The following CRTC1 variants were observed in gnomAD, a reference collection of about 807,000 sequenced individuals.
CRTC1 encodes the protein CREB-regulated transcription coactivator 1.
CRTC1 carries 18 observed loss-of-function variants against 66.1 expected under a neutral mutation model. The ratio of observed to expected loss-of-function variants is 0.27; its 90% CI spans 0.19 to 0.40. The LOEUF (loss-of-function observed/expected upper bound fraction) is 0.40, where lower values mean the gene tolerates loss of function less well. Ranked by LOEUF, CRTC1 falls within the 10% of genes least tolerant of loss-of-function variation. The pLI is 1.00. For missense variants in CRTC1, 669 were observed against 887.9 expected (o/e 0.75, Z 3.13); for synonymous variants, 416 against 398.8 (o/e 1.04, Z -0.51).
chr19:18,782,126 GC>G lies in CRTC1; in HGVS notation c.*4747del, dbSNP rs1255818550. 4.5e-6 allele frequency: 1 copy of G among 224,558 alleles called. No individual in the cohort carries two copies. Among genetic ancestry groups the G allele is most frequent in the Admixed American group, 5.7e-5 (1 of 17,500 alleles). 13.9% of individuals were successfully genotyped at this position (224,558 alleles called of 1,614,324 possible). Reference sequence around the variant, plus strand: ...CCTGTTCCTGCCTGTGCTCCTCTGTGCCCAGGCTGGCTCTCCCCCAACCCTA... The same window carrying G: ...CCTGTTCCTGCCTGTGCTCCTCTGTGCCAGGCTGGCTCTCCCCCAACCCTA... On this transcript the variant is annotated 3_prime_UTR_variant, in exon 14 of 14. Transcript: ENST00000321949.
intron 1 of CRTC1, among the ~76,000 whole-genome samples, chr19:18,721,515 A>C (rs547896278): frequency 1.2e-4 from 14 of 118,166 alleles, no homozygotes; most frequent in African/African-American, 4.7e-4. Context: ...TTTTTTTTTA[A>C]ACAAGGTCTT....
At chr19:18,752,854 T>G (rs530071098) in intron 5 of CRTC1, among the ~76,000 whole-genome samples, 218 of 151,598 alleles carry the variant, frequency 1.4e-3, no homozygotes, top group Non-Finnish European at 2.6e-3. Context: ...GCCAGGCTGG[T>G]CTCAAACTCC....
intron 1 of CRTC1, among the ~76,000 whole-genome samples, chr19:18,706,712 A>G (rs1175218262): frequency 2.0e-5 from 3 of 151,902 alleles, no homozygotes; most frequent in African/African-American, 7.3e-5. Context: ...GGATATTTTG[A>G]TAGGGATTGT....
intron 1 of CRTC1, among the ~76,000 whole-genome samples, chr19:18,738,802 AAACAAC>A (rs148273210): frequency 6.6e-5 from 10 of 152,018 alleles, no homozygotes; most frequent in African/African-American, 1.2e-4. Context: ...CTCCGTCTCA[AAACAAC>A]AACAACAACA....
intron 6 of CRTC1, 95 bp downstream of exon 6, chr19:18,753,680 T>C: frequency 1.2e-6 from 1 of 841,128 alleles, no homozygotes; most frequent in Non-Finnish European, 1.9e-6. Flanking sequence ...TGGGGTGGCT[T>C]CACCTTCCCA....
At chr19:18,708,552 C>T (rs1221157228) in intron 1 of CRTC1, among the ~76,000 whole-genome samples, 1 of 152,144 alleles carries the variant, frequency 6.6e-6, no homozygotes. Context: ...TGAGGGGCTG[C>T]TGGGCTGGAG....
chr19:18,711,778 C>A (rs928924498), intron 1 of CRTC1, among the ~76,000 whole-genome samples: 2 of 152,122 alleles, frequency 1.3e-5, no homozygotes, highest in South Asian at 4.1e-4. Context: ...CAGCTGACGT[C>A]CTCTTCCTTA....
At chr19:18,730,095 G>T (rs1472244357) in intron 1 of CRTC1, among the ~76,000 whole-genome samples, 1 of 152,164 alleles carries the variant, frequency 6.6e-6, no homozygotes, top group Non-Finnish European at 1.5e-5. Flanking sequence ...CTTATGTCCT[G>T]TCCAAGGCCG....
At chr19:18,744,964 G>A (rs1421041229) in intron 2 of CRTC1, among the ~76,000 whole-genome samples, 2 of 152,216 alleles carry the variant, frequency 1.3e-5, no homozygotes, top group Admixed American at 1.3e-4. Context: ...CCCAGAGAAG[G>A]CATAAGGGCT....
chr19:18,689,867 C>G (rs925524609), intron 1 of CRTC1, among the ~76,000 whole-genome samples: 1 of 151,540 alleles, frequency 6.6e-6, no homozygotes, highest in Non-Finnish European at 1.5e-5. Flanking sequence ...GTAGAGTTGC[C>G]GGGTCCTCTG....
intron 1 of CRTC1, among the ~76,000 whole-genome samples, chr19:18,710,016 C>T (rs902923479): frequency 2.0e-5 from 3 of 152,022 alleles, no homozygotes; most frequent in South Asian, 2.1e-4. Flanking sequence ...GCCCAGCACC[C>T]GCCCCCCCAC....
At chr19:18,727,041 G>A (rs1157403018) in intron 1 of CRTC1, among the ~76,000 whole-genome samples, 1 of 151,592 alleles carries the variant, frequency 6.6e-6, no homozygotes, top group Non-Finnish European at 1.5e-5. Flanking sequence ...GAGGCCAGGA[G>A]TCCAGGTCTA....
intron 1 of CRTC1, among the ~76,000 whole-genome samples, chr19:18,717,981 T>C (rs1330582131): frequency 1.3e-5 from 2 of 152,104 alleles, no homozygotes; most frequent in Admixed American, 1.3e-4. Flanking sequence ...TGGCTTTGAA[T>C]CTTACTTATC....
At chr19:18,728,872 G>T (rs1357765804) in intron 1 of CRTC1, among the ~76,000 whole-genome samples, 2 of 140,994 alleles carry the variant, frequency 1.4e-5, no homozygotes, top group Non-Finnish European at 3.0e-5. Flanking sequence ...GAGTGCAGTA[G>T]CACGATCTCA....
Position 18,741,199 on chromosome 19 carries a change from T to C in CRTC1, c.127-1711T>C, listed in dbSNP as rs1004333046. On this transcript the variant is annotated intron_variant, in intron 1 of 13. Coordinates refer to ENST00000321949, the MANE Select transcript of CRTC1 (RefSeq NM_015321.3). The surrounding 1 kb of genome is among the most constrained non-coding windows in gnomAD (Gnocchi z 4.2). ...AGAGTTCTGTGTGTCCCCAGTCCTG[T>C]AGATTGTCCCCGCATCCCAGGTTTC... Among the ~76,000 whole-genome samples, 2 of 152,106 alleles carry C rather than the reference T, an allele frequency of 1.3e-5. No individual in the cohort carries two copies. The highest frequency in any genetic ancestry group is 2.4e-5 in the African/African-American group (1 of 41,418).
At chr19:18,687,494 A>G (rs2052712391) in intron 1 of CRTC1, among the ~76,000 whole-genome samples, 1 of 152,192 alleles carries the variant, frequency 6.6e-6, no homozygotes, top group Non-Finnish European at 1.5e-5. Context: ...TGGCCACTGC[A>G]CAGTCCAAGT....
chr19:18,762,312 G>A (rs377185028), intron 8 of CRTC1, among the ~76,000 whole-genome samples: 2 of 152,364 alleles, frequency 1.3e-5, no homozygotes, highest in East Asian at 3.9e-4. Flanking sequence ...GGCCAGAGCG[G>A]CCCGGTAATG....
chr19:18,705,533 G>A (rs1200288441), intron 1 of CRTC1, among the ~76,000 whole-genome samples: 1 of 152,092 alleles, frequency 6.6e-6, no homozygotes, highest in Admixed American at 6.6e-5. Flanking sequence ...TCGCCAGGCT[G>A]GTCTCGAACT....
rs2054872168 is a variant in CRTC1 at position 18,771,663 on chromosome 19, C to T, written c.1425+117C>T. ...ATCGCTCCTCATGCATGTCCTCATG[C>T]ATCCCATCCCGTCCACGCCATCGGA... On this transcript the variant is annotated intron_variant, in intron 11 of 13. Transcript: ENST00000321949. This position sits in a 1 kb window ranked among gnomAD's most constrained non-coding sequence, Gnocchi z 4.6. 1 of 782,066 alleles carries T rather than the reference C, an allele frequency of 1.3e-6. No individual in the cohort carries two copies. Among genetic ancestry groups the T allele is most frequent in the Non-Finnish European group, 2.1e-6 (1 of 469,716 alleles). The allele number at this position is 782,066 out of a possible 1,614,324, so 48.4% of individuals were successfully genotyped here. A position where few individuals can be genotyped will look rare whatever the true frequency, so the allele number is the denominator to read the frequency against.
Sources: gnomAD v4.1 joint callset for allele counts (sites outside exome capture counted in the v4.1 genomes callset) on GRCh38, gnomAD v4.1.1 for gene constraint, Gnocchi (gnomAD v3.1) non-coding constraint, MANE v1.5 for transcripts, NCBI Gene and HGNC (gene_info 2026-07-23, HGNC 2026-07-21) for gene names.